CARMIL1: variants seen among roughly 807,000 people sequenced by gnomAD.
CARMIL1 encodes capping protein regulator and myosin 1 linker 1.
CARMIL1 carries 90 observed loss-of-function variants against 177.1 expected under a neutral mutation model. The ratio of observed to expected loss-of-function variants is 0.51; its 90% CI spans 0.43 to 0.61. CARMIL1 has a LOEUF of 0.61. CARMIL1 is among the 20% of genes least tolerant of loss of function. The probability of loss-of-function intolerance (pLI) is 0.00; values close to 1 mark genes in which losing one functional copy is unlikely to be tolerated. For missense variants in CARMIL1, 1,380 were observed against 1,667.0 expected (o/e 0.83, Z 3.00); for synonymous variants, 577 against 606.2 (o/e 0.95, Z 0.71).
chr6:25,367,435 G>A (rs1789940559), intron 2 of CARMIL1, among the ~76,000 whole-genome samples: 1 of 152,100 alleles, frequency 6.6e-6, no homozygotes, highest in Non-Finnish European at 1.5e-5. Flanking sequence ...CTGCCATTGA[G>A]GAGCAGGAAG....
At chr6:25,579,727 T>A (rs1812957864) in intron 29 of CARMIL1, among the ~76,000 whole-genome samples, 1 of 152,236 alleles carries the variant, frequency 6.6e-6, no homozygotes. Context: ...CCAGTCTGGA[T>A]TTCAATACAA....
chr6:25,362,057 A>G (rs1421192395), intron 2 of CARMIL1, among the ~76,000 whole-genome samples: 2 of 152,244 alleles, frequency 1.3e-5, no homozygotes, highest in African/African-American at 4.8e-5. Context: ...ATACTGTGTT[A>G]TAGCAACAGA....
intron 17 of CARMIL1, among the ~76,000 whole-genome samples, chr6:25,507,929 G>A (rs1025320208): frequency 3.6e-4 from 55 of 151,818 alleles, no homozygotes; most frequent in African/African-American, 1.3e-3. Flanking sequence ...CTATTTTTAT[G>A]TTTTTTTAAA....
intron 26 of CARMIL1, among the ~76,000 whole-genome samples, chr6:25,545,118 A>C (rs1809326069): frequency 6.6e-6 from 1 of 152,176 alleles, no homozygotes; most frequent in East Asian, 1.9e-4. Flanking sequence ...ACATGAAGTA[A>C]AATATGCATG....
chr6:25,318,707 C>G (rs1581549035), intron 2 of CARMIL1, among the ~76,000 whole-genome samples: 1 of 152,126 alleles, frequency 6.6e-6, no homozygotes, highest in East Asian at 1.9e-4. Flanking sequence ...CGGGAGACCC[C>G]ACGTGGGAGC....
intron 26 of CARMIL1, among the ~76,000 whole-genome samples, chr6:25,543,242 G>T (rs1231580313): frequency 6.6e-6 from 1 of 152,054 alleles, no homozygotes. Flanking sequence ...CTGTACCATG[G>T]CCAGTCATAG....
chr6:25,598,866 A>C (rs998550388), intron 32 of CARMIL1, among the ~76,000 whole-genome samples: 1 of 152,016 alleles, frequency 6.6e-6, no homozygotes, highest in African/African-American at 2.4e-5. Context: ...TGACTCTCAG[A>C]ATCTTTAGGT....
At chr6:25,497,084 TTTTAATATGGGGAGAAAGC>T (rs2151012084) in intron 16 of CARMIL1, among the ~76,000 whole-genome samples, 1 of 152,326 alleles carries the variant, frequency 6.6e-6, no homozygotes, top group Admixed American at 6.5e-5. Flanking sequence ...TCAGCAAAAA[TTTTAATATGGGGAGAAAGC>T]CTTCATGGCT....
chr6:25,378,361 A>C (rs1432729798), intron 2 of CARMIL1, among the ~76,000 whole-genome samples: 1 of 152,154 alleles, frequency 6.6e-6, no homozygotes, highest in Non-Finnish European at 1.5e-5. Flanking sequence ...CCTACACAGC[A>C]GGGGCACCCC....
intron 2 of CARMIL1, among the ~76,000 whole-genome samples, chr6:25,368,108 A>G (rs1790031698): frequency 6.6e-6 from 1 of 152,202 alleles, no homozygotes; most frequent in Non-Finnish European, 1.5e-5. Context: ...AATTCTGAGC[A>G]CAACTCTGAG....
At chr6:25,343,426 A>G (rs2150332233) in intron 2 of CARMIL1, among the ~76,000 whole-genome samples, 1 of 150,488 alleles carries the variant, frequency 6.6e-6, no homozygotes, top group East Asian at 2.0e-4. Flanking sequence ...TCAGCCATTC[A>G]CCTTCCTTAG....
intron 2 of CARMIL1, among the ~76,000 whole-genome samples, chr6:25,366,953 A>G (rs909481642): frequency 2.0e-5 from 3 of 152,250 alleles, no homozygotes; most frequent in African/African-American, 4.8e-5. Context: ...GTACTATTCT[A>G]GAAATGTTTA....
At chr6:25,390,038 A>C (rs1448772281) in intron 2 of CARMIL1, among the ~76,000 whole-genome samples, 1 of 152,172 alleles carries the variant, frequency 6.6e-6, no homozygotes, top group Non-Finnish European at 1.5e-5. Flanking sequence ...TATTGCAAAA[A>C]TAATAATGCT....
intron 9 of CARMIL1, among the ~76,000 whole-genome samples, chr6:25,466,191 T>C (rs1212842125): frequency 6.6e-6 from 1 of 152,216 alleles, no homozygotes; most frequent in Non-Finnish European, 1.5e-5. Context: ...AACAAAAAGA[T>C]ACATTTAGTG....
chr6:25,519,585 C>T (rs558520153), intron 22 of CARMIL1, among the ~76,000 whole-genome samples: 2 of 152,164 alleles, frequency 1.3e-5, no homozygotes, highest in Admixed American at 6.5e-5. Context: ...TTTGGTTTCT[C>T]GAGCCTGGTG....
At chr6:25,346,673 G>A (rs976886586) in intron 2 of CARMIL1, among the ~76,000 whole-genome samples, 5 of 152,180 alleles carry the variant, frequency 3.3e-5, no homozygotes, top group Admixed American at 6.5e-5. Flanking sequence ...GGACTAGGGC[G>A]TAGTTTGTGT....
At chr6:25,507,408 GCTT>G (rs1805021147) in intron 17 of CARMIL1, 1 of 152,348 alleles carries the variant, frequency 6.6e-6, no homozygotes, top group African/African-American at 2.4e-5. Flanking sequence ...AGAAACTTTA[GCTT>G]CTTCTTTATT....
At chr6:25,456,075 C>G (rs1447514854) in intron 8 of CARMIL1, among the ~76,000 whole-genome samples, 1 of 152,128 alleles carries the variant, frequency 6.6e-6, no homozygotes, top group Admixed American at 6.6e-5. Context: ...GACACTGTGC[C>G]CCTTATATCA....
At chr6:25,491,326 A>G (rs1285165018) in intron 13 of CARMIL1, among the ~76,000 whole-genome samples, 1 of 152,208 alleles carries the variant, frequency 6.6e-6, no homozygotes, top group Non-Finnish European at 1.5e-5. Flanking sequence ...GTTCAGATTC[A>G]GATTCGTAGT....
Sources: gnomAD v4.1 joint callset for allele counts (sites outside exome capture counted in the v4.1 genomes callset) on GRCh38, gnomAD v4.1.1 for gene constraint, MANE v1.5 for transcripts, NCBI Gene and HGNC (gene_info 2026-07-23, HGNC 2026-07-21) for gene names.